Variants in LINGO2 observed in about 807,000 individuals in gnomAD.
LINGO2 encodes leucine-rich repeat and immunoglobulin-like domain-containing nogo receptor-interacting protein 2.
Under a neutral mutation model 30.6 loss-of-function variants are expected in LINGO2, and 14 were observed. The observed-to-expected ratio is 0.46, with a 90% confidence interval of 0.30 to 0.72. The LOEUF (loss-of-function observed/expected upper bound fraction) is 0.72. Among genes scored for constraint, LINGO2 ranks in the 30% least tolerant of loss-of-function variants. The probability of loss-of-function intolerance (pLI) is 0.07; values close to 1 mark genes in which losing one functional copy is unlikely to be tolerated. For synonymous variants in LINGO2, 317 were observed against 288.5 expected (o/e 1.10, Z -1.00); for missense variants, 729 against 751.7 (o/e 0.97, Z 0.35).
intron 4 of LINGO2, among the ~76,000 whole-genome samples, chr9:28,272,602 C>A (rs1371102803): frequency 2.6e-5 from 4 of 151,972 alleles, no homozygotes; most frequent in African/African-American, 9.7e-5. Flanking sequence ...TTGTGTTAAA[C>A]AAACAAAATT....
chr9:28,283,032 G>A (rs1481666354), intron 4 of LINGO2, among the ~76,000 whole-genome samples: 2 of 152,068 alleles, frequency 1.3e-5, no homozygotes, highest in African/African-American at 2.4e-5. Flanking sequence ...CTTGCAAAAT[G>A]TATTTGGCTA....
At chr9:28,959,587 A>ATCTCTTTCTC in the LINGO2 span, among the ~76,000 whole-genome samples, 16 of 107,524 alleles carry the variant, frequency 1.5e-4, no homozygotes, top group Admixed American at 7.1e-4. Flanking sequence ...CTTTTCTTTT[A>ATCTCTTTCTC]TCTCTCTCTC....
At chr9:28,715,402 C>G in the LINGO2 span, among the ~76,000 whole-genome samples, 1 of 152,060 alleles carries the variant, frequency 6.6e-6, no homozygotes, top group Non-Finnish European at 1.5e-5. Context: ...CACAAAAGTG[C>G]TGAAATATAT....
Position 28,562,475 on chromosome 9 carries a change from A to AAC in LINGO2, c.-364-86451_-364-86450insGT, listed in dbSNP as rs1554637896. Among the ~76,000 whole-genome samples, 144 of 144,058 alleles carry AAC rather than the reference A, an allele frequency of 1.0e-3. 1 individual carries two copies. In the East Asian group the frequency reaches 0.027, roughly 27 times the overall value. The allele number at this position is 144,058 out of a possible 152,430, so 94.5% of individuals were successfully genotyped here. ...TTACTTTCAAAAAAAAAAAAAAAAA[A>AAC]CAGAAAAAACAAAAAATTGGTCCCC... On this transcript the variant is annotated intron_variant, in intron 1 of 5. Coordinates refer to ENST00000379992, the Ensembl canonical transcript of LINGO2.
chr9:28,322,708 G>A (rs1825091597), intron 3 of LINGO2, among the ~76,000 whole-genome samples: 6 of 152,172 alleles, frequency 3.9e-5, no homozygotes, highest in South Asian at 4.1e-4. Flanking sequence ...GTCACTGGAC[G>A]TAAAGATGCT....
the LINGO2 span, among the ~76,000 whole-genome samples, chr9:28,844,657 C>G: frequency 2.0e-5 from 3 of 151,804 alleles, no homozygotes; most frequent in African/African-American, 7.3e-5. Flanking sequence ...TCAAGCCCAT[C>G]TGTACTTCCC....
the LINGO2 span, among the ~76,000 whole-genome samples, chr9:29,102,352 A>T: frequency 6.6e-6 from 1 of 152,198 alleles, no homozygotes; most frequent in Non-Finnish European, 1.5e-5. Context: ...AAGAGCTGGG[A>T]TTACAGGCGT....
chr9:28,656,892 C>G (rs549718800), intron 1 of LINGO2, among the ~76,000 whole-genome samples: 1 of 152,060 alleles, frequency 6.6e-6, no homozygotes, highest in Non-Finnish European at 1.5e-5. Flanking sequence ...CCCTTGCTCT[C>G]TCTCCTAGAT....
the LINGO2 span, among the ~76,000 whole-genome samples, chr9:29,063,432 C>T: frequency 3.4e-5 from 5 of 149,198 alleles, no homozygotes; most frequent in African/African-American, 1.2e-4. Context: ...GACAGAATCT[C>T]GCTATTGTCA....
At chr9:28,333,508 A>G (rs1279882711) in intron 3 of LINGO2, among the ~76,000 whole-genome samples, 1 of 152,176 alleles carries the variant, frequency 6.6e-6, no homozygotes, top group African/African-American at 2.4e-5. Context: ...TGGAGCTGAT[A>G]AGGGAAGATA....
At chr9:28,588,753 T>C (rs1335651571) in intron 1 of LINGO2, among the ~76,000 whole-genome samples, 2 of 152,048 alleles carry the variant, frequency 1.3e-5, no homozygotes, top group Non-Finnish European at 2.9e-5. Flanking sequence ...AATCCTGAGC[T>C]AAAATTGGGC....
In LINGO2 at chr9:28,147,677, G is replaced by T. The variant is rs373150982; in HGVS notation, c.-86-135272C>A. ...GGAAGGGCTCTGGCGGATCAGCCCC[G>T]CACCCCCAACAGCCCCACGGGGGGG... On this transcript the variant is annotated intron_variant, in intron 4 of 5. Coordinates refer to ENST00000379992, the Ensembl canonical transcript of LINGO2. The surrounding 1 kb of genome is among the most constrained non-coding windows in gnomAD (Gnocchi z 4.7). Among the ~76,000 whole-genome samples the T allele has an allele frequency of 6.6e-6, 1 of 152,130 alleles. No homozygotes were observed. Among genetic ancestry groups the T allele is most frequent in the Non-Finnish European group, 1.5e-5 (1 of 68,012 alleles).
chr9:28,370,743 A>G (rs1004954413), intron 3 of LINGO2, among the ~76,000 whole-genome samples: 20 of 152,164 alleles, frequency 1.3e-4, no homozygotes, highest in African/African-American at 4.8e-4. Context: ...CTCCATACCA[A>G]CCACCACTGT....
At chr9:28,073,602 C>T (rs1251023660) in intron 4 of LINGO2, among the ~76,000 whole-genome samples, 1 of 152,162 alleles carries the variant, frequency 6.6e-6, no homozygotes, top group Non-Finnish European at 1.5e-5. Context: ...GAAACATAAG[C>T]CACATAAGTT....
chr9:28,369,028 A>G (rs571031930), intron 3 of LINGO2, among the ~76,000 whole-genome samples: 17 of 152,312 alleles, frequency 1.1e-4, no homozygotes, highest in African/African-American at 3.8e-4. Flanking sequence ...GCCTGGCTTC[A>G]TGATGTGGGA....
chr9:28,097,653 G>C (rs1826284510), intron 4 of LINGO2, among the ~76,000 whole-genome samples: 1 of 130,102 alleles, frequency 7.7e-6, no homozygotes, highest in Non-Finnish European at 1.6e-5. Flanking sequence ...CATGGACACA[G>C]GAAGGGGAAT....
At chr9:28,368,589 CTTTTCT>C (rs1278263502) in intron 3 of LINGO2, among the ~76,000 whole-genome samples, 23 of 95,090 alleles carry the variant, frequency 2.4e-4, no homozygotes, top group East Asian at 1.3e-3. Context: ...CTCTTCTTTT[CTTTTCT>C]TTTTTTTTTT....
chr9:28,420,621 G>C (rs943258127), intron 2 of LINGO2, among the ~76,000 whole-genome samples: 2 of 152,022 alleles, frequency 1.3e-5, no homozygotes, highest in Non-Finnish European at 2.9e-5. Context: ...AGGGATTTCT[G>C]TATAGATACA....
At chr9:29,134,665 G>A in the LINGO2 span, among the ~76,000 whole-genome samples, 1 of 151,952 alleles carries the variant, frequency 6.6e-6, no homozygotes, top group South Asian at 2.1e-4. Context: ...TACATCTGAT[G>A]TTTGTATAAT....
Sources: gnomAD v4.1 joint callset for allele counts (sites outside exome capture counted in the v4.1 genomes callset) on GRCh38, gnomAD v4.1.1 for gene constraint, Gnocchi (gnomAD v3.1) non-coding constraint, MANE v1.5 for transcripts, NCBI Gene and HGNC (gene_info 2026-07-23, HGNC 2026-07-21) for gene names.